Variants in LUZP2 observed in about 807,000 individuals in gnomAD.
LUZP2 encodes the protein leucine zipper protein 2.
Under a neutral mutation model 51.6 loss-of-function variants are expected in LUZP2, and 52 were observed. The observed-to-expected ratio is 1.01, with a 90% CI of 0.81 to 1.27. The LOEUF is 1.27. Among genes scored for constraint, LUZP2 ranks in the 50% most tolerant of loss-of-function variants. The pLI is 0.00. For synonymous variants in LUZP2, 154 were observed against 137.3 expected (o/e 1.12, Z -0.85); for missense variants, 436 against 395.4 (o/e 1.10, Z -0.87).
At chr11:24,849,749 A>G (rs2631461) in intron 5 of LUZP2, among the ~76,000 whole-genome samples, 23,038 of 152,132 alleles carry the variant, frequency 0.15, 1,905 homozygotes, top group African/African-American at 0.2. Context: ...CCAACAGTAT[A>G]AAAGCGATCC....
intron 5 of LUZP2, among the ~76,000 whole-genome samples, chr11:24,764,881 C>T (rs1336144532): frequency 6.6e-6 from 1 of 152,048 alleles, no homozygotes; most frequent in Non-Finnish European, 1.5e-5. Flanking sequence ...TAACAAAATA[C>T]TTTGTCTTGG....
intron 9 of LUZP2, among the ~76,000 whole-genome samples, chr11:25,016,027 T>C (rs1857143867): frequency 6.6e-6 from 1 of 151,710 alleles, no homozygotes; most frequent in Non-Finnish European, 1.5e-5. Flanking sequence ...TTCACGCCAT[T>C]CTCCTGCCTC....
chr11:24,756,212 A>G (rs973355459), intron 4 of LUZP2, among the ~76,000 whole-genome samples: 2 of 152,192 alleles, frequency 1.3e-5, no homozygotes, highest in African/African-American at 4.8e-5. Context: ...ACCAATGTGT[A>G]CCTCACATGT....
At chr11:25,031,473 C>T (rs1026290283) in intron 9 of LUZP2, among the ~76,000 whole-genome samples, 5 of 152,120 alleles carry the variant, frequency 3.3e-5, no homozygotes, top group Non-Finnish European at 2.9e-5. Context: ...CAGCTGCAAA[C>T]ATTTTATGCC....
At chr11:24,722,493 C>A (rs1409911392) in intron 1 of LUZP2, among the ~76,000 whole-genome samples, 2 of 152,120 alleles carry the variant, frequency 1.3e-5, no homozygotes, top group African/African-American at 4.8e-5. Context: ...CCACATCCCA[C>A]CAGGTTCCTC....
chr11:24,591,364 C>T (rs554075954), intron 1 of LUZP2, among the ~76,000 whole-genome samples: 44 of 152,226 alleles, frequency 2.9e-4, no homozygotes, highest in Middle Eastern at 3.4e-3. Flanking sequence ...CATATCCCAC[C>T]GCTGATGCCT....
intron 5 of LUZP2, among the ~76,000 whole-genome samples, chr11:24,772,796 G>T (rs1420145704): frequency 1.3e-5 from 2 of 152,084 alleles, no homozygotes; most frequent in Non-Finnish European, 2.9e-5. Flanking sequence ...GCTTGTAGTG[G>T]TATCACTCCA....
intron 10 of LUZP2, among the ~76,000 whole-genome samples, chr11:25,051,849 A>G (rs1858526631): frequency 6.6e-6 from 1 of 152,198 alleles, no homozygotes. Flanking sequence ...GTTTGCTAGG[A>G]TTCCTCAAAG....
chr11:24,891,458 G>A, intron 5 of LUZP2: 2 of 950,058 alleles, frequency 2.1e-6, no homozygotes, highest in Non-Finnish European at 2.5e-6. Context: ...TTCCTAATAA[G>A]GGAAGATTTA....
At chr11:25,047,008 A>G (rs1167669355) in intron 9 of LUZP2, among the ~76,000 whole-genome samples, 1 of 152,124 alleles carries the variant, frequency 6.6e-6, no homozygotes, top group African/African-American at 2.4e-5. Flanking sequence ...TAATGCCACT[A>G]TATGTGAAAA....
chr11:24,811,350 C>G (rs546588107), intron 5 of LUZP2, among the ~76,000 whole-genome samples: 37 of 152,128 alleles, frequency 2.4e-4, no homozygotes, highest in Non-Finnish European at 4.3e-4. Context: ...CTAATCCCCC[C>G]CTTAATAGCC....
At chr11:24,550,032 G>A (rs1321220509) in intron 1 of LUZP2, among the ~76,000 whole-genome samples, 3 of 152,028 alleles carry the variant, frequency 2.0e-5, no homozygotes, top group African/African-American at 7.2e-5. Context: ...CTAAAAATAT[G>A]TCCTGAGTGA....
At chr11:24,601,888 G>GTGTATATGTATACATGTATATATGTA (rs1853654469) in intron 1 of LUZP2, among the ~76,000 whole-genome samples, 1 of 104,248 alleles carries the variant, frequency 9.6e-6, no homozygotes, top group South Asian at 2.8e-4. Flanking sequence ...ATGTATATAT[G>GTGTATATGTATACATGTATATATGTA]TATATATGTA....
chr11:25,031,392 T>C (rs1857681137), intron 9 of LUZP2, among the ~76,000 whole-genome samples: 3 of 152,150 alleles, frequency 2.0e-5, no homozygotes, highest in Admixed American at 2.0e-4. Flanking sequence ...TTCTTGAAAT[T>C]TCTCAATTGC....
intron 7 of LUZP2, among the ~76,000 whole-genome samples, chr11:24,961,541 T>C (rs1457959617): frequency 2.6e-5 from 4 of 152,020 alleles, no homozygotes; most frequent in African/African-American, 7.2e-5. Flanking sequence ...TGGTTTAAAG[T>C]CTGTTTTATC....
chr11:24,666,010 T>C (rs1022561261), intron 1 of LUZP2, among the ~76,000 whole-genome samples: 1 of 152,234 alleles, frequency 6.6e-6, no homozygotes, highest in Non-Finnish European at 1.5e-5. Context: ...AGTGTAATTT[T>C]ACTGATGCAG....
intron 10 of LUZP2, among the ~76,000 whole-genome samples, chr11:25,072,261 C>A (rs1341965303): frequency 2.0e-5 from 3 of 152,006 alleles, no homozygotes; most frequent in Non-Finnish European, 4.4e-5. Flanking sequence ...TTAATATGTT[C>A]TTGTTTATGT....
intron 5 of LUZP2, among the ~76,000 whole-genome samples, chr11:24,779,848 A>T (rs1369388821): frequency 6.6e-6 from 1 of 152,098 alleles, no homozygotes; most frequent in African/African-American, 2.4e-5. Flanking sequence ...CACATAGGGG[A>T]GGAATTGATA....
At chr11:25,074,787 C>T (rs889564682) in intron 10 of LUZP2, among the ~76,000 whole-genome samples, 4 of 151,942 alleles carry the variant, frequency 2.6e-5, no homozygotes, top group Admixed American at 2.6e-4. Flanking sequence ...GAATTATCAC[C>T]CTGGTGTGTT....
Sources: gnomAD v4.1 joint callset for allele counts (sites outside exome capture counted in the v4.1 genomes callset) on GRCh38, gnomAD v4.1.1 for gene constraint, MANE v1.5 for transcripts, NCBI Gene and HGNC (gene_info 2026-07-23, HGNC 2026-07-21) for gene names.